The following TMPRSS15 variants were observed in gnomAD, a reference collection of about 807,000 sequenced individuals.
TMPRSS15 encodes the protein enteropeptidase.
A neutral mutation model predicts 125.3 loss-of-function variants in TMPRSS15; 128 were observed. That is an observed-to-expected ratio of 1.02 (90% confidence interval 0.89 to 1.18). The LOEUF (loss-of-function observed/expected upper bound fraction) is 1.18. Among genes scored for constraint, TMPRSS15 ranks in the 50% most tolerant of loss-of-function variants. The pLI is 0.00. For missense variants in TMPRSS15, 1,283 were observed against 1,212.7 expected (o/e 1.06, Z -0.86); for synonymous variants, 446 against 423.2 (o/e 1.05, Z -0.66).
chr21:18,294,207 G>A (rs890500927), intron 21 of TMPRSS15, 63 bp downstream of exon 21: 1 of 1,593,690 alleles, frequency 6.3e-7, no homozygotes. Flanking sequence ...CATGAAATGG[G>A]ACGCTTGGCA....
intron 4 of TMPRSS15, chr21:18,380,625 T>C (rs529708777): frequency 8.5e-6 from 4 of 469,606 alleles, no homozygotes; most frequent in East Asian, 1.4e-4. Context: ...GAGTTTATGA[T>C]ATAAATACAT....
At chr21:18,375,722 C>T (rs1478554096) in intron 5 of TMPRSS15, among the ~76,000 whole-genome samples, 1 of 152,046 alleles carries the variant, frequency 6.6e-6, no homozygotes, top group Admixed American at 6.6e-5. Flanking sequence ...TGCAAATAGG[C>T]TTTAATTATT....
chr21:18,398,954 AG>A (rs2076068538), intron 1 of TMPRSS15, among the ~76,000 whole-genome samples: 1 of 152,078 alleles, frequency 6.6e-6, no homozygotes. Flanking sequence ...TAACCTCACT[AG>A]GAAAAAAAAA....
intron 16 of TMPRSS15, 106 bp downstream of exon 16, chr21:18,326,326 C>G: frequency 7.1e-7 from 1 of 1,417,218 alleles, no homozygotes; most frequent in East Asian, 2.3e-5. Context: ...GAATAAGTGT[C>G]ACAGAAGGAA....
chr21:18,377,955 C>G (rs1201635037), intron 5 of TMPRSS15, among the ~76,000 whole-genome samples: 3 of 152,042 alleles, frequency 2.0e-5, no homozygotes, highest in Non-Finnish European at 4.4e-5. Flanking sequence ...TCTTTTAAGT[C>G]CAGTGCTTTC....
intron 4 of TMPRSS15, chr21:18,380,518 T>A (rs1435293574): frequency 2.1e-6 from 1 of 469,896 alleles, no homozygotes. Flanking sequence ...GTTGTATTTT[T>A]AAAAGTGCCA....
At chr21:18,443,117 C>T (rs188700535) in intron 1 of TMPRSS15, among the ~76,000 whole-genome samples, 24 of 151,876 alleles carry the variant, frequency 1.6e-4, no homozygotes, top group African/African-American at 3.9e-4. Context: ...AAACTAGCCC[C>T]GATTAAATAG....
At chr21:18,321,972 G>C (rs2075243546) in intron 16 of TMPRSS15, among the ~76,000 whole-genome samples, 1 of 152,068 alleles carries the variant, frequency 6.6e-6, no homozygotes, top group South Asian at 2.1e-4. Flanking sequence ...TTCAATCAGG[G>C]GGATTTTCCC....
At chr21:18,463,747 G>A (rs1025396046) in intron 1 of TMPRSS15, among the ~76,000 whole-genome samples, 2 of 152,136 alleles carry the variant, frequency 1.3e-5, no homozygotes, top group African/African-American at 4.8e-5. Context: ...ATGACAAATT[G>A]TCTCTCATAC....
intron 21 of TMPRSS15, among the ~76,000 whole-genome samples, chr21:18,284,798 C>T (rs914414865): frequency 9.9e-5 from 15 of 151,956 alleles, no homozygotes; most frequent in African/African-American, 3.4e-4. Context: ...GTCAGGAGTT[C>T]GAGACCGTCC....
chr21:18,271,064 A>C (rs372328377), intron 24 of TMPRSS15, among the ~76,000 whole-genome samples: 1 of 152,142 alleles, frequency 6.6e-6, no homozygotes, highest in East Asian at 1.9e-4. Flanking sequence ...AAAGAAAAAA[A>C]TGTAATCTAT....
intron 10 of TMPRSS15, among the ~76,000 whole-genome samples, chr21:18,346,805 A>G (rs1055807234): frequency 2.6e-5 from 4 of 152,198 alleles, no homozygotes; most frequent in African/African-American, 9.6e-5. Context: ...CCATTGCTCA[A>G]TAATACTTTC....
chr21:18,397,592 G>A (rs1285407144), intron 3 of TMPRSS15, among the ~76,000 whole-genome samples: 2 of 152,090 alleles, frequency 1.3e-5, no homozygotes, highest in Non-Finnish European at 2.9e-5. Flanking sequence ...TTTTCCAAAT[G>A]TTCGTAGCAA....
At chr21:18,396,418 TA>T (rs2076036430) in intron 3 of TMPRSS15, among the ~76,000 whole-genome samples, 1 of 152,070 alleles carries the variant, frequency 6.6e-6, no homozygotes, top group Admixed American at 6.6e-5. Context: ...CTCGGTGTCG[TA>T]GTTATTTAAG....
At chr21:18,464,074 G>A (rs1182009108) in intron 1 of TMPRSS15, among the ~76,000 whole-genome samples, 1 of 149,800 alleles carries the variant, frequency 6.7e-6, no homozygotes, top group East Asian at 2.0e-4. Context: ...TTGGGAGGCT[G>A]AGACAGGAGA....
At chr21:18,471,455 T>C (rs1978778887) in intron 1 of TMPRSS15, among the ~76,000 whole-genome samples, 1 of 137,990 alleles carries the variant, frequency 7.2e-6, no homozygotes, top group African/African-American at 2.8e-5. Flanking sequence ...GGGATTGCTG[T>C]CTTCTTAATC....
chr21:18,466,383 A>C (rs1978660851), intron 1 of TMPRSS15, among the ~76,000 whole-genome samples: 2 of 152,174 alleles, frequency 1.3e-5, no homozygotes, highest in Non-Finnish European at 2.9e-5. Flanking sequence ...CACCAAAAGC[A>C]ATGGAAACAA....
chr21:18,426,377 C>T (rs1188483402), intron 1 of TMPRSS15, among the ~76,000 whole-genome samples: 4 of 152,092 alleles, frequency 2.6e-5, no homozygotes, highest in Admixed American at 2.0e-4. Flanking sequence ...GAAGCTCTCA[C>T]GTAAAATACT....
At position 18,353,022 on chromosome 21, in the gene TMPRSS15, T is replaced by G; in HGVS notation, c.1052A>C (p.Asp351Ala). The change falls in exon 10 of 25, where the codon GAT (aspartate) becomes GCT (alanine). Residue 351 changes from aspartate to alanine, a missense_variant. Physicochemically the swap from Asp to Ala is moderately radical, Grantham distance 126. Coordinates refer to ENST00000284885, the MANE Select transcript of TMPRSS15 (RefSeq NM_002772.3). Reference sequence around the variant, plus strand: ...ATCCTGGACCCAGAAACAAAAGCCATCCTCAAAGTTACAATTAATTTTCTC... The same window carrying G: ...ATCCTGGACCCAGAAACAAAAGCCAGCCTCAAAGTTACAATTAATTTTCTC... ...NYEKINCNFEDGFCFWVQDLN... is the reference protein window; with the variant it reads ...NYEKINCNFEAGFCFWVQDLN... 6.2e-7 allele frequency: 1 copy of G among 1,610,718 alleles called. No homozygotes were observed. Among genetic ancestry groups the G allele is most frequent in the Non-Finnish European group, 8.5e-7 (1 of 1,178,584 alleles).
Sources: allele counts gnomAD v4.1 joint callset (sites outside exome capture counted in the v4.1 genomes callset), GRCh38; gene constraint gnomAD v4.1.1; transcripts MANE v1.5; gene names NCBI Gene and HGNC (gene_info 2026-07-23, HGNC 2026-07-21).